PSMD1: variants seen among roughly 807,000 people sequenced by gnomAD.
PSMD1 encodes the protein 26S proteasome non-ATPase regulatory subunit 1.
In PSMD1, 18 loss-of-function variants were observed where a neutral mutation model predicts 119.0. The ratio of observed to expected loss-of-function variants is 0.15; its 90% CI spans 0.10 to 0.22. PSMD1 has a LOEUF of 0.22. Among genes scored for constraint, PSMD1 ranks in the 10% least tolerant of loss-of-function variants. The pLI is 1.00. For synonymous variants in PSMD1, 374 were observed against 396.6 expected (o/e 0.94, Z 0.68); for missense variants, 702 against 1,158.5 (o/e 0.61, Z 5.72).
intron 16 of PSMD1, among the ~76,000 whole-genome samples, chr2:231,103,708 A>G (rs1461699488): frequency 1.3e-5 from 2 of 152,176 alleles, no homozygotes; most frequent in Non-Finnish European, 2.9e-5. Context: ...TGATTCATTT[A>G]GCTTTGTGAC....
chr2:231,070,202 T>G (rs1277376743), intron 6 of PSMD1, 34 bp downstream of exon 6: 5 of 1,487,578 alleles, frequency 3.4e-6, no homozygotes, highest in Non-Finnish European at 4.5e-6. Flanking sequence ...ATTACATTGC[T>G]CCACGCTGTA....
At chr2:231,081,166 A>AT (rs1291361363) in intron 12 of PSMD1, among the ~76,000 whole-genome samples, 1 of 150,614 alleles carries the variant, frequency 6.6e-6, no homozygotes, top group Non-Finnish European at 1.5e-5. Context: ...AAAAAAAAAA[A>AT]GATTGAAGCC....
At chr2:231,080,336 T>C in intron 12 of PSMD1, 22 bp downstream of exon 12, 1 of 1,518,724 alleles carries the variant, frequency 6.6e-7, no homozygotes, top group Middle Eastern at 1.7e-4. Flanking sequence ...AATGGAAAAC[T>C]AAATTTCCAA....
intron 13 of PSMD1, 68 bp downstream of exon 13, chr2:231,083,062 C>G (rs1012093411): frequency 7.7e-6 from 9 of 1,172,818 alleles, no homozygotes; most frequent in Non-Finnish European, 1.1e-5. Context: ...ACATTAGTTT[C>G]TACCTATATT....
At chr2:231,060,990 G>GGCAATGCTGTTA (rs1693742162) in intron 1 of PSMD1, among the ~76,000 whole-genome samples, 1 of 152,154 alleles carries the variant, frequency 6.6e-6, no homozygotes, top group South Asian at 2.1e-4. Context: ...ATTTCTAACA[G>GGCAATGCTGTTA]GTTCCCAGGC....
In PSMD1 at chr2:231,172,756, C is replaced by T. The variant is rs568122320; in HGVS notation, c.*231C>T. 2.6e-5 allele frequency: 4 copies of T among 152,258 alleles called. No individual in the cohort carries two copies. The South Asian group carries it at 8.3e-4, about 32-fold the overall frequency. 9.4% of individuals were successfully genotyped at this position (152,258 alleles called of 1,614,324 possible). A position where few individuals can be genotyped will look rare whatever the true frequency, so the allele number is the denominator to read the frequency against. ...AATAAATATAAGATCTCCAGATGGA[C>T]AAGACATTTGTTTTTCAGCCTGGGT... On this transcript the variant is annotated 3_prime_UTR_variant, in exon 25 of 25. Coordinates refer to ENST00000308696, the MANE Select transcript of PSMD1 (RefSeq NM_002807.4).
At chr2:231,150,355 A>G (rs1696346668) in intron 18 of PSMD1, among the ~76,000 whole-genome samples, 3 of 144,270 alleles carry the variant, frequency 2.1e-5, no homozygotes, top group Admixed American at 1.6e-4. Flanking sequence ...AAGGAGGGGA[A>G]AAAAAAAAAA....
chr2:231,172,824 T>A lies in PSMD1; in HGVS notation c.*299T>A, dbSNP rs1418579316. 2 of 152,188 alleles carry A rather than the reference T, an allele frequency of 1.3e-5. No homozygotes were observed. The highest frequency in any genetic ancestry group is 2.9e-5 in the Non-Finnish European group (2 of 68,028). The allele number at this position is 152,188 out of a possible 1,614,324, so 9.4% of individuals were successfully genotyped here. On this transcript the variant is annotated 3_prime_UTR_variant, in exon 25 of 25. Transcript: ENST00000308696. Reference sequence around the variant, plus strand: ...AATCCTCCCCACACCATGAAATGCCTAAATCCCAAGAGCCAGAGTCTTGAT... The same window carrying A: ...AATCCTCCCCACACCATGAAATGCCAAAATCCCAAGAGCCAGAGTCTTGAT...
rs1368192443 is a variant in PSMD1 at position 231,109,083 on chromosome 2, G to A, written c.1883+21902G>A. The A allele has an allele frequency of 1.2e-6, 2 of 1,614,054 alleles. No homozygotes were observed. Among genetic ancestry groups the A allele is most frequent in the Non-Finnish European group, 8.5e-7 (1 of 1,180,022 alleles). On this transcript the variant is annotated intron_variant, in intron 16 of 24. Coordinates refer to ENST00000308696, the MANE Select transcript of PSMD1 (RefSeq NM_002807.4). Reference sequence around the variant, plus strand: ...ATAAGTGTTTCATCACCTGAGTTGGGCAGAGCCTTGTCCTTTCGAGAACCA... The same window carrying A: ...ATAAGTGTTTCATCACCTGAGTTGGACAGAGCCTTGTCCTTTCGAGAACCA...
chr2:231,075,567 A>G lies in PSMD1; in HGVS notation c.938A>G (p.Glu313Gly), dbSNP rs113593155. 1 of 1,610,348 alleles carries G rather than the reference A, an allele frequency of 6.2e-7. No individual in the cohort carries two copies. Among genetic ancestry groups the G allele is most frequent in the Non-Finnish European group, 8.5e-7 (1 of 1,178,682 alleles). ...AGTGCATTTGTAGGAAAGACACCAG[A>G]AGCCGTGAGTGTGCTTTTTTTTTTT... ...TSSAFVGKTP[E>G]ASPEPKDQTL... Residue 313 changes from glutamate to glycine, a missense_variant, in exon 8 of 25, where the codon GAA becomes GGA. By Grantham distance (98) the Glu-to-Gly change is moderately conservative. Transcript: ENST00000308696.
At chr2:231,158,805 T>A (rs905035863) in intron 19 of PSMD1, among the ~76,000 whole-genome samples, 1 of 152,202 alleles carries the variant, frequency 6.6e-6, no homozygotes, top group Non-Finnish European at 1.5e-5. Flanking sequence ...TCTTTTCCAG[T>A]ATGTTATTCA....
chr2:231,144,783 C>T (rs1050420636), intron 17 of PSMD1, among the ~76,000 whole-genome samples: 1 of 152,078 alleles, frequency 6.6e-6, no homozygotes, highest in East Asian at 1.9e-4. Flanking sequence ...AGTACTTACT[C>T]GACTTTGGGC....
chr2:231,058,369 A>G (rs575637840), intron 1 of PSMD1, among the ~76,000 whole-genome samples: 1 of 152,310 alleles, frequency 6.6e-6, no homozygotes, highest in African/African-American at 2.4e-5. Flanking sequence ...CTTGTGGACT[A>G]TGCTTTTTAA....
intron 5 of PSMD1, among the ~76,000 whole-genome samples, chr2:231,069,743 C>T (rs1039245873): frequency 2.0e-5 from 3 of 152,156 alleles, no homozygotes; most frequent in African/African-American, 7.2e-5. Context: ...TAATAATTAA[C>T]AGCATCACTT....
At position 231,113,862 on chromosome 2, in the gene PSMD1, G is replaced by A. The variant is rs138535164; in HGVS notation, c.1884-24874G>A. On this transcript the variant is annotated intron_variant, in intron 16 of 24. Transcript: ENST00000308696. ...TGGCACAGAGATGCATGATGGATGC[G>A]GTTGAAAAGAGAACGTCAAGAAATA... 419 of 1,614,056 alleles carry A rather than the reference G, an allele frequency of 2.6e-4. 2 individuals are homozygous for A. The Middle Eastern group carries it at 3.8e-3, about 15-fold the overall frequency.
intron 14 of PSMD1, among the ~76,000 whole-genome samples, chr2:231,084,357 T>A (rs991982920): frequency 5.0e-4 from 75 of 151,120 alleles, no homozygotes; most frequent in Non-Finnish European, 3.0e-4. Flanking sequence ...ATCTCAAAAA[T>A]ATATATATAT....
Position 231,153,557 on chromosome 2 carries a change from C to T in PSMD1, c.2116-7C>T. The T allele has an allele frequency of 1.3e-6, 2 of 1,587,062 alleles. No individual in the cohort carries two copies. On this transcript the variant is annotated splice_polypyrimidine_tract_variant and splice_region_variant and intron_variant, in intron 18 of 24. Coordinates refer to ENST00000308696, the MANE Select transcript of PSMD1 (RefSeq NM_002807.4). ...TTAGACTATAATTCTTTCTCTTGCT[C>T]CTTCAGGTGAATCAGTTCAGACAGC...
rs540348560 is a variant in PSMD1 at position 231,062,469 on chromosome 2, A to C, written c.135-37A>C. ...ATTTGGGATTTTTAGGGAAAACCAC[A>C]GTTTGAACTAGACCTGTACTTCCTA... is the stretch of plus-strand genomic sequence containing the variant. On this transcript the variant is annotated intron_variant, in intron 3 of 24. Transcript: ENST00000308696. The C allele has an allele frequency of 7.7e-6, 12 of 1,565,644 alleles. No individual in the cohort carries two copies. The African/African-American group carries it at 1.1e-4, about 14-fold the overall frequency.
chr2:231,113,394 A>G (rs1461658219), intron 16 of PSMD1, among the ~76,000 whole-genome samples: 1 of 152,230 alleles, frequency 6.6e-6, no homozygotes, highest in Non-Finnish European at 1.5e-5. Flanking sequence ...TCCAAATGCT[A>G]GCTAGACCAT....
Sources: gnomAD v4.1 joint callset for allele counts (sites outside exome capture counted in the v4.1 genomes callset) on GRCh38, gnomAD v4.1.1 for gene constraint, MANE v1.5 for transcripts, NCBI Gene and HGNC (gene_info 2026-07-23, HGNC 2026-07-21) for gene names.